Variants in HS6ST3 observed in about 807,000 individuals in gnomAD.
HS6ST3 encodes heparan-sulfate 6-O-sulfotransferase 3.
Under a neutral mutation model 36.7 loss-of-function variants are expected in HS6ST3, and 12 were observed. That is an observed-to-expected ratio of 0.33 (90% CI 0.21 to 0.53). The LOEUF (loss-of-function observed/expected upper bound fraction) is 0.53. Among genes scored for constraint, HS6ST3 ranks in the 20% least tolerant of loss-of-function variants. HS6ST3 has a pLI of 0.95. For missense variants in HS6ST3, 584 were observed against 640.9 expected (o/e 0.91, Z 0.96); for synonymous variants, 240 against 257.5 (o/e 0.93, Z 0.65).
chr13:96,189,346 T>C (rs981928421), intron 1 of HS6ST3, among the ~76,000 whole-genome samples: 7 of 152,094 alleles, frequency 4.6e-5, no homozygotes, highest in Non-Finnish European at 8.8e-5. Context: ...CAAATTAAAT[T>C]ACATTTAATA....
chr13:96,514,471 G>C (rs953875898), intron 1 of HS6ST3, among the ~76,000 whole-genome samples: 1 of 152,158 alleles, frequency 6.6e-6, no homozygotes, highest in Middle Eastern at 3.2e-3. Context: ...CCTCCAATGT[G>C]ACAGTATTTG....
At chr13:96,672,590 C>T (rs951682306) in intron 1 of HS6ST3, among the ~76,000 whole-genome samples, 2 of 152,092 alleles carry the variant, frequency 1.3e-5, no homozygotes, top group African/African-American at 2.4e-5. Context: ...GTTGGATCCC[C>T]CACCTCCTGG....
chr13:96,457,825 T>C (rs1054216755), intron 1 of HS6ST3, among the ~76,000 whole-genome samples: 4 of 152,212 alleles, frequency 2.6e-5, no homozygotes, highest in African/African-American at 7.2e-5. Context: ...ATAAATTGCA[T>C]GTAGGCATTT....
chr13:96,740,761 A>T (rs1876417734), intron 1 of HS6ST3, among the ~76,000 whole-genome samples: 1 of 152,162 alleles, frequency 6.6e-6, no homozygotes, highest in Non-Finnish European at 1.5e-5. Flanking sequence ...TGCTCCTCAG[A>T]TCAAAGTCAA....
chr13:96,495,732 G>A (rs1426670245), intron 1 of HS6ST3, among the ~76,000 whole-genome samples: 4 of 152,122 alleles, frequency 2.6e-5, no homozygotes, highest in African/African-American at 9.7e-5. Flanking sequence ...TTGTGTAAAC[G>A]TGTGGCCAAG....
intron 1 of HS6ST3, among the ~76,000 whole-genome samples, chr13:96,373,804 A>G (rs753068898): frequency 2.0e-5 from 3 of 152,202 alleles, no homozygotes; most frequent in Non-Finnish European, 4.4e-5. Flanking sequence ...TCCCAGGGGT[A>G]TACAAATCAT....
chr13:96,258,660 A>G (rs2054649513), intron 1 of HS6ST3, among the ~76,000 whole-genome samples: 1 of 152,178 alleles, frequency 6.6e-6, no homozygotes, highest in Admixed American at 6.5e-5. Flanking sequence ...TTGGTCATAC[A>G]GATCAATGCC....
At chr13:96,795,264 A>G (rs1877882678) in intron 1 of HS6ST3, among the ~76,000 whole-genome samples, 1 of 151,982 alleles carries the variant, frequency 6.6e-6, no homozygotes, top group African/African-American at 2.4e-5. Context: ...CAATACTATA[A>G]TAATATTAAT....
chr13:96,114,684 A>G (rs796398522), intron 1 of HS6ST3, among the ~76,000 whole-genome samples: 8 of 152,320 alleles, frequency 5.3e-5, no homozygotes, highest in African/African-American at 1.9e-4. Flanking sequence ...TGGTGTATAT[A>G]AGGCCCTGTG....
At chr13:96,692,701 CT>C (rs2138446274) in intron 1 of HS6ST3, among the ~76,000 whole-genome samples, 1 of 152,090 alleles carries the variant, frequency 6.6e-6, no homozygotes, top group South Asian at 2.1e-4. Flanking sequence ...TTTTTCATTT[CT>C]TTTTTCTGGA....
At chr13:96,150,611 A>G (rs919262118) in intron 1 of HS6ST3, among the ~76,000 whole-genome samples, 1 of 152,160 alleles carries the variant, frequency 6.6e-6, no homozygotes, top group African/African-American at 2.4e-5. Context: ...ATCTACACCT[A>G]TTTTTAAAAT....
Position 96,090,242 on chromosome 13 carries a change from C to T in HS6ST3, c.-621C>T, listed in dbSNP as rs1429351574. Among the ~76,000 whole-genome samples, 1 of 151,792 alleles carries T rather than the reference C, an allele frequency of 6.6e-6. No homozygotes were observed. The highest frequency in any genetic ancestry group is 1.5e-5 in the Non-Finnish European group (1 of 67,882). On this transcript the variant is annotated 5_prime_UTR_variant, in exon 1 of 2. Transcript: ENST00000376705. ...CTCCGCAGAGGCGCCTCGCCCGCTG[C>T]CGCTGCGCTGCGGGGGCCGCTCTGC...
chr13:96,445,538 A>G (rs2055693818), intron 1 of HS6ST3, among the ~76,000 whole-genome samples: 1 of 152,106 alleles, frequency 6.6e-6, no homozygotes, highest in Admixed American at 6.6e-5. Flanking sequence ...ATTGTCTTTC[A>G]TACCACTTTG....
chr13:96,453,487 C>A (rs2055740053), intron 1 of HS6ST3, among the ~76,000 whole-genome samples: 1 of 152,168 alleles, frequency 6.6e-6, no homozygotes, highest in African/African-American at 2.4e-5. Flanking sequence ...TAGGCCAGCA[C>A]AAAAGCTGCT....
chr13:96,658,292 T>TTTTG (rs2056633756), intron 1 of HS6ST3, among the ~76,000 whole-genome samples: 5 of 111,260 alleles, frequency 4.5e-5, no homozygotes, highest in African/African-American at 1.8e-4. Flanking sequence ...TTTTTTTTTT[T>TTTTG]TTTTTTGAGA....
At chr13:96,753,905 C>T (rs560888321) in intron 1 of HS6ST3, among the ~76,000 whole-genome samples, 6 of 152,008 alleles carry the variant, frequency 3.9e-5, no homozygotes, top group East Asian at 1.9e-4. Flanking sequence ...CTGCAACCTG[C>T]GCCTCCTGGG....
intron 1 of HS6ST3, among the ~76,000 whole-genome samples, chr13:96,470,762 C>A (rs921292515): frequency 1.3e-5 from 2 of 152,130 alleles, no homozygotes; most frequent in Middle Eastern, 3.2e-3. Flanking sequence ...TGCTCAGTTG[C>A]GAGGCCATTT....
intron 1 of HS6ST3, among the ~76,000 whole-genome samples, chr13:96,654,281 TC>T (rs2056617294): frequency 6.6e-6 from 1 of 152,086 alleles, no homozygotes; most frequent in South Asian, 2.1e-4. Context: ...TAAGTCTTTG[TC>T]CATGCCTATG....
At chr13:96,125,334 T>A (rs549645493) in intron 1 of HS6ST3, among the ~76,000 whole-genome samples, 3 of 152,160 alleles carry the variant, frequency 2.0e-5, no homozygotes, top group Non-Finnish European at 2.9e-5. Context: ...TAAATAACTT[T>A]CCTTGTTTAA....
Sources: allele counts gnomAD v4.1 joint callset (sites outside exome capture counted in the v4.1 genomes callset), GRCh38; gene constraint gnomAD v4.1.1; transcripts MANE v1.5; gene names NCBI Gene and HGNC (gene_info 2026-07-23, HGNC 2026-07-21).